STAT3: variants seen among roughly 807,000 people sequenced by gnomAD.
The protein encoded by STAT3 is signal transducer and activator of transcription 3, also known as DNA-binding protein APRF.
In STAT3, 7 loss-of-function variants were observed where a neutral mutation model predicts 114.3. The observed-to-expected ratio is 0.06, with a 90% CI of 0.03 to 0.11. The LOEUF is 0.11. STAT3 is among the 10% of genes least tolerant of loss of function. The probability of loss-of-function intolerance (pLI) is 1.00; values close to 1 mark genes in which losing one functional copy is unlikely to be tolerated. For synonymous variants in STAT3, 331 were observed against 354.5 expected (o/e 0.93, Z 0.74); for missense variants, 364 against 960.9 (o/e 0.38, Z 8.21).
intron 8 of STAT3, among the ~76,000 whole-genome samples, chr17:42,334,345 A>C (rs1057184104): frequency 1.3e-5 from 2 of 151,690 alleles, no homozygotes; most frequent in African/African-American, 2.4e-5. Context: ...CAGTGGTGCA[A>C]TCTCGGCTCA....
intron 3 of STAT3, 134 bp downstream of exon 3, chr17:42,346,435 C>A: frequency 7.5e-7 from 1 of 1,339,068 alleles, no homozygotes; most frequent in South Asian, 1.2e-5. Context: ...GGGCTAATTA[C>A]TTCTCCTGTG....
intron 1 of STAT3, among the ~76,000 whole-genome samples, chr17:42,385,336 T>G (rs2085037457): frequency 1.3e-5 from 2 of 151,860 alleles, no homozygotes; most frequent in Admixed American, 6.6e-5. Context: ...TAGTGAAACC[T>G]TATCTCTACT....
chr17:42,340,692 A>T (rs1468492709), intron 4 of STAT3, among the ~76,000 whole-genome samples: 1 of 152,008 alleles, frequency 6.6e-6, no homozygotes, highest in African/African-American at 2.4e-5. Context: ...CACAGAATAC[A>T]AACTTCTTAG....
At chr17:42,346,803 A>G in intron 2 of STAT3, 90 bp from the exon 3 acceptor site, 1 of 1,588,868 alleles carries the variant, frequency 6.3e-7, no homozygotes. Flanking sequence ...GGAAAAAAAC[A>G]AAAAAACAAA....
rs1420345012 is a variant in STAT3, at chr17:42,323,093, G to C, written c.1799C>G (p.Thr600Ser). 1.2e-6 allele frequency: 2 copies of C among 1,614,216 alleles called. No individual in the cohort carries two copies. Among genetic ancestry groups the C allele is most frequent in the Non-Finnish European group, 1.7e-6 (2 of 1,180,036 alleles). Residue 600 changes from threonine to serine, a missense_variant, in exon 20 of 24, where the codon ACT (threonine) becomes AGT (serine). Physicochemically the swap from Thr to Ser is moderately conservative, Grantham distance 58. Coordinates refer to ENST00000264657, the MANE Select transcript of STAT3 (RefSeq NM_139276.3). The part of the protein sequence containing the change: ...SKERERAILS[T>S]KPPGTFLLRF... ...TAGCAGGAAGGTGCCTGGAGGCTTA[G>C]TGCTCAAGATGGCCCGCTCCCGCTC...
chr17:42,385,154 C>G (rs756663694), intron 1 of STAT3, among the ~76,000 whole-genome samples: 16 of 152,146 alleles, frequency 1.1e-4, no homozygotes, highest in Non-Finnish European at 1.3e-4. Context: ...CAGTAGACTG[C>G]AATTTCTGTG....
chr17:42,347,786 C>T (rs6503696), intron 2 of STAT3, among the ~76,000 whole-genome samples: 44,388 of 152,014 alleles, frequency 0.29, 6,741 homozygotes, highest in East Asian at 0.4. Context: ...TGCTCTCTTG[C>T]TCTTGCTGTG....
intron 1 of STAT3, among the ~76,000 whole-genome samples, chr17:42,383,856 T>G (rs935670399): frequency 6.6e-6 from 1 of 152,232 alleles, no homozygotes; most frequent in African/African-American, 2.4e-5. Flanking sequence ...TGGTGGTTTG[T>G]ATCCAATCAA....
chr17:42,331,385 C>CAA, intron 11 of STAT3, 87 bp downstream of exon 11: 4 of 1,212,510 alleles, frequency 3.3e-6, no homozygotes, highest in East Asian at 4.8e-5. Flanking sequence ...TGAATAAAGA[C>CAA]AGAGTCTCTA....
chr17:42,321,806 G>A (rs576669627), intron 21 of STAT3, among the ~76,000 whole-genome samples: 3 of 152,172 alleles, frequency 2.0e-5, no homozygotes, highest in South Asian at 2.1e-4. Flanking sequence ...TTTGGGGGAC[G>A]TATGTGTATT....
Position 42,329,793 on chromosome 17 carries a change from T to G in STAT3, c.1110-17A>C. 12 of 1,614,012 alleles carry G rather than the reference T, an allele frequency of 7.4e-6. No individual in the cohort carries two copies. The highest frequency in any genetic ancestry group is 1.1e-5 in the South Asian group (1 of 91,078). Reference sequence around the variant, plus strand: ...CCAGAGTCTCTGTAAGAACACAGACTGTTGTTAATAAAATAGGCTCTGTGT... The same window carrying G: ...CCAGAGTCTCTGTAAGAACACAGACGGTTGTTAATAAAATAGGCTCTGTGT... On this transcript the variant is annotated splice_polypyrimidine_tract_variant and intron_variant, in intron 11 of 23. Transcript: ENST00000264657.
chr17:42,329,960 T>C (rs559319633), intron 11 of STAT3, among the ~76,000 whole-genome samples, 184 bp from the exon 12 acceptor site: 51 of 152,310 alleles, frequency 3.3e-4, no homozygotes, highest in African/African-American at 1.2e-3. Flanking sequence ...GTTGGTTGCC[T>C]CCCCATAGGA....
In STAT3 at chr17:42,326,202, A is replaced by G. The variant is rs1371264845; in HGVS notation, c.1282-3T>C. 3 of 1,613,390 alleles carry G rather than the reference A, an allele frequency of 1.9e-6. No homozygotes were observed. The African/African-American group carries it at 4.0e-5, about 22-fold the overall frequency. ...TCCTCAGTCACAATCAGGGAAGCCT[A>G]CAGTAACGAGAAGGACACTCTTAGG... On this transcript the variant is annotated splice_region_variant and splice_polypyrimidine_tract_variant and intron_variant, in intron 14 of 23. Coordinates refer to ENST00000264657, the MANE Select transcript of STAT3 (RefSeq NM_139276.3).
chr17:42,325,170 C>G (rs1046111956), intron 15 of STAT3, 109 bp from the exon 16 acceptor site: 5 of 1,039,470 alleles, frequency 4.8e-6, no homozygotes, highest in Non-Finnish European at 7.3e-6. Context: ...ATGCCATAAA[C>G]CACACCTGCT....
At chr17:42,328,675 G>A (rs932016646) in intron 14 of STAT3, among the ~76,000 whole-genome samples, 10 of 152,262 alleles carry the variant, frequency 6.6e-5, no homozygotes, top group African/African-American at 1.2e-4. Context: ...CCCAAAGTAC[G>A]GGGTGTGAGC....
chr17:42,356,683 G>C (rs145416233), intron 1 of STAT3, among the ~76,000 whole-genome samples: 1 of 152,056 alleles, frequency 6.6e-6, no homozygotes, highest in Non-Finnish European at 1.5e-5. Flanking sequence ...GCCCAAGCTG[G>C]TCTCAAACTC....
chr17:42,328,298 T>G (rs747848310), intron 14 of STAT3, among the ~76,000 whole-genome samples: 26 of 152,324 alleles, frequency 1.7e-4, no homozygotes, highest in Admixed American at 7.8e-4. Context: ...TTATTTTACA[T>G]TTTGCTTTTT....
chr17:42,377,813 C>T (rs1472808060), intron 1 of STAT3, among the ~76,000 whole-genome samples: 8 of 152,094 alleles, frequency 5.3e-5, no homozygotes, highest in South Asian at 2.1e-4. Context: ...AACCCAAAGA[C>T]TGTATGGATC....
intron 1 of STAT3, among the ~76,000 whole-genome samples, chr17:42,355,794 A>T (rs1351557210): frequency 6.6e-6 from 1 of 152,200 alleles, no homozygotes; most frequent in African/African-American, 2.4e-5. Context: ...CGCAGTCAAG[A>T]CCACTTACAA....
Sources: gnomAD v4.1 joint callset for allele counts (sites outside exome capture counted in the v4.1 genomes callset) on GRCh38, gnomAD v4.1.1 for gene constraint, MANE v1.5 for transcripts, NCBI Gene and HGNC (gene_info 2026-07-23, HGNC 2026-07-21) for gene names.